The following PIEZO2 variants were observed in gnomAD, a reference collection of about 807,000 sequenced individuals.
PIEZO2 encodes piezo type mechanosensitive ion channel component 2.
In PIEZO2, 172 loss-of-function variants were observed where a neutral mutation model predicts 337.3. That is an observed-to-expected ratio of 0.51 (90% CI 0.45 to 0.58). The LOEUF (loss-of-function observed/expected upper bound fraction) is 0.58, where lower values mean the gene tolerates loss of function less well. PIEZO2 is among the 20% of genes least tolerant of loss of function. PIEZO2 has a pLI of 0.00. For missense variants in PIEZO2, 3,028 were observed against 3,391.3 expected (o/e 0.89, Z 2.66); for synonymous variants, 1,251 against 1,228.5 (o/e 1.02, Z -0.38).
intron 2 of PIEZO2, among the ~76,000 whole-genome samples, chr18:10,984,010 A>G (rs2034775192): frequency 6.6e-6 from 1 of 152,128 alleles, no homozygotes; most frequent in African/African-American, 2.4e-5. Context: ...ATCCATAGAA[A>G]AGTTCTGAGA....
intron 47 of PIEZO2, among the ~76,000 whole-genome samples, chr18:10,691,758 AAT>A (rs2034839251): frequency 1.3e-5 from 1 of 75,868 alleles, no homozygotes; most frequent in Non-Finnish European, 2.3e-5. Context: ...ATATATTAAA[AAT>A]ATATATAAAC....
At position 10,726,577 on chromosome 18, in the gene PIEZO2, C is replaced by T; in HGVS notation, c.5029+4830G>A. 1.4e-6 allele frequency: 2 copies of T among 1,404,478 alleles called. No homozygotes were observed. The highest frequency in any genetic ancestry group is 1.9e-6 in the Non-Finnish European group (2 of 1,056,932). The allele number at this position is 1,404,478 out of a possible 1,614,324, so 87.0% of individuals were successfully genotyped here. On this transcript the variant is annotated intron_variant, in intron 36 of 55. Coordinates refer to ENST00000674853, the MANE Select transcript of PIEZO2 (RefSeq NM_001378183.1). This position sits in a 1 kb window ranked among gnomAD's most constrained non-coding sequence, Gnocchi z 5.9. ...CCACGCTGTGCGTCTGTCCTTCCGCCAGCTCTTCCAGGACCTGGCGCGCTA... is the reference window on the plus strand; with the variant it reads ...CCACGCTGTGCGTCTGTCCTTCCGCTAGCTCTTCCAGGACCTGGCGCGCTA...
chr18:10,755,920 G>C (rs956830733), intron 27 of PIEZO2, among the ~76,000 whole-genome samples: 1 of 151,666 alleles, frequency 6.6e-6, no homozygotes, highest in Non-Finnish European at 1.5e-5. Flanking sequence ...GTGAGGAGGA[G>C]GGATGGGGGA....
At chr18:11,133,666 C>T (rs191166030) in intron 1 of PIEZO2, among the ~76,000 whole-genome samples, 13 of 152,132 alleles carry the variant, frequency 8.5e-5, no homozygotes. Context: ...TCCTTCCTGC[C>T]CTCAAATATC....
chr18:11,097,458 G>T lies in PIEZO2; in HGVS notation c.65-31236C>A, dbSNP rs1387468279. ...AGTTTGCTGGTCACAGATGTAGAAG[G>T]ATTGAGTCCAGAGTTTACTACAGAG... On this transcript the variant is annotated intron_variant, in intron 1 of 55. Transcript: ENST00000674853. The surrounding 1 kb of genome is among the most constrained non-coding windows in gnomAD (Gnocchi z 5.0). 6.6e-6 allele frequency among the ~76,000 whole-genome samples: 1 copy of T among 152,212 alleles called. No individual in the cohort carries two copies. The highest frequency in any genetic ancestry group is 1.5e-5 in the Non-Finnish European group (1 of 68,038).
chr18:10,871,556 T>C, intron 4 of PIEZO2, 141 bp from the exon 5 acceptor site: 2 of 779,112 alleles, frequency 2.6e-6, no homozygotes, highest in Non-Finnish European at 3.9e-6. Flanking sequence ...ACAAGAAAGC[T>C]TTTTATTGAC....
chr18:10,742,061 A>T (rs7226970), intron 32 of PIEZO2, among the ~76,000 whole-genome samples: 93,226 of 151,836 alleles, frequency 0.61, 30,066 homozygotes, highest in African/African-American at 0.82. Flanking sequence ...AGGCTGAGGC[A>T]GGAGAATGGC....
intron 4 of PIEZO2, among the ~76,000 whole-genome samples, chr18:10,910,348 C>T (rs745432930): frequency 6.6e-6 from 1 of 152,166 alleles, no homozygotes; most frequent in Non-Finnish European, 1.5e-5. Context: ...TCTGGGAGGC[C>T]GAGCTGGGCG....
intron 36 of PIEZO2, 28 bp downstream of exon 36, chr18:10,731,379 C>T (rs2144069838): frequency 2.0e-6 from 3 of 1,488,996 alleles, no homozygotes; most frequent in Admixed American, 2.0e-5. Context: ...CTGCCACACC[C>T]ACCACAGCCA....
At chr18:11,025,763 C>G (rs1006324633) in intron 2 of PIEZO2, among the ~76,000 whole-genome samples, 6 of 152,162 alleles carry the variant, frequency 3.9e-5, no homozygotes, top group African/African-American at 1.2e-4. Context: ...GACAATTGTT[C>G]AGAAAATGAG....
At chr18:10,807,611 C>T (rs2040041988) in intron 7 of PIEZO2, among the ~76,000 whole-genome samples, 1 of 152,152 alleles carries the variant, frequency 6.6e-6, no homozygotes, top group African/African-American at 2.4e-5. Flanking sequence ...AATTATTAAT[C>T]AGCCCTATTA....
intron 1 of PIEZO2, among the ~76,000 whole-genome samples, chr18:11,114,693 CT>C (rs1346755026): frequency 1.3e-5 from 2 of 151,476 alleles, no homozygotes; most frequent in African/African-American, 2.4e-5. Flanking sequence ...AGTTGGGGTG[CT>C]TTTCCCCCCA....
intron 13 of PIEZO2, among the ~76,000 whole-genome samples, chr18:10,793,246 A>G (rs1320065276): frequency 6.6e-6 from 1 of 150,540 alleles, no homozygotes; most frequent in Non-Finnish European, 1.5e-5. Flanking sequence ...GATACAGAGC[A>G]AAACTCCGTC....
chr18:10,724,518 A>G lies in PIEZO2; in HGVS notation c.5030-6259T>C, dbSNP rs1303774052. The G allele has an allele frequency of 4.3e-6, 2 of 465,284 alleles. No homozygotes were observed. The highest frequency in any genetic ancestry group is 4.0e-5 in the African/African-American group (2 of 50,128). The allele number at this position is 465,284 out of a possible 1,614,324, so 28.8% of individuals were successfully genotyped here. A position where few individuals can be genotyped will look rare whatever the true frequency, so the allele number is the denominator to read the frequency against. ...TACAGGGCCTGCTGGTCCTCTGGTC[A>G]CACCCACTCATGCTGGTCTCCACAT... On this transcript the variant is annotated intron_variant, in intron 36 of 55. Transcript: ENST00000674853. This position sits in a 1 kb window ranked among gnomAD's most constrained non-coding sequence, Gnocchi z 5.8.
intron 1 of PIEZO2, among the ~76,000 whole-genome samples, chr18:11,142,648 G>GTGCA (rs2040684863): frequency 6.6e-6 from 1 of 152,040 alleles, no homozygotes; most frequent in South Asian, 2.1e-4. Flanking sequence ...GACTGGGGTG[G>GTGCA]TGCACGCCTG....
chr18:10,746,319 T>TA lies in PIEZO2; in HGVS notation c.4425-2089dup, dbSNP rs1169714615. 4.6e-5 allele frequency among the ~76,000 whole-genome samples: 7 copies of TA among 152,202 alleles called. No individual in the cohort carries two copies. Among genetic ancestry groups the TA allele is most frequent in the Non-Finnish European group, 8.8e-5 (6 of 68,026 alleles). On this transcript the variant is annotated intron_variant, in intron 30 of 55. Coordinates refer to ENST00000674853, the MANE Select transcript of PIEZO2 (RefSeq NM_001378183.1). This position sits in a 1 kb window ranked among gnomAD's most constrained non-coding sequence, Gnocchi z 4.2. ...ACCTGGCCTCTCCTGGCCTGGAGCT[T>TA]ATCACTCACCACTCACTGTCCTCAT...
At position 10,815,673 on chromosome 18, in the gene PIEZO2, T is replaced by C. The variant is rs56232150; in HGVS notation, c.918-8399A>G. Among the ~76,000 whole-genome samples, 3,298 of 152,304 alleles carry C rather than the reference T, an allele frequency of 0.022. 117 individuals carry two copies. Among genetic ancestry groups the C allele is most frequent in the African/African-American group, 0.075 (3,120 of 41,550 alleles). On this transcript the variant is annotated intron_variant, in intron 7 of 55. Transcript: ENST00000674853. This position sits in a 1 kb window ranked among gnomAD's most constrained non-coding sequence, Gnocchi z 4.1. ...TACATCTTTTGTTTCCACAGCAACG[T>C]ACCTAGATAATATTTGGGAGTGCTC...
chr18:10,767,376 C>A lies in PIEZO2; in HGVS notation c.2946+2772G>T, dbSNP rs2038407671. On this transcript the variant is annotated intron_variant, in intron 21 of 55. Coordinates refer to ENST00000674853, the MANE Select transcript of PIEZO2 (RefSeq NM_001378183.1). The surrounding 1 kb of genome is among the most constrained non-coding windows in gnomAD (Gnocchi z 4.2). ...TGAACCCAAAAGTTGTGAAAACAAG[C>A]ACCCTTACTGAGGCCTTGGGTAAGG... Among the ~76,000 whole-genome samples, 2 of 152,058 alleles carry A rather than the reference C, an allele frequency of 1.3e-5. No homozygotes were observed. Among genetic ancestry groups the A allele is most frequent in the African/African-American group, 4.8e-5 (2 of 41,400 alleles).
rs1356687499 is a variant in PIEZO2, at chr18:10,834,265, G to A, written c.917+21088C>T. 1.3e-5 allele frequency among the ~76,000 whole-genome samples: 2 copies of A among 152,098 alleles called. No individual in the cohort carries two copies. Among genetic ancestry groups the A allele is most frequent in the Non-Finnish European group, 2.9e-5 (2 of 68,022 alleles). On this transcript the variant is annotated intron_variant, in intron 7 of 55. Transcript: ENST00000674853. This position sits in a 1 kb window ranked among gnomAD's most constrained non-coding sequence, Gnocchi z 4.5. ...GAGTCAGATTTGAATTCAAACTCTG[G>A]CTTTGCCATCTCTATCCTGTGACTT...
Sources: allele counts gnomAD v4.1 joint callset (sites outside exome capture counted in the v4.1 genomes callset), GRCh38; gene constraint gnomAD v4.1.1; non-coding constraint Gnocchi (gnomAD v3.1); transcripts MANE v1.5; gene names NCBI Gene and HGNC (gene_info 2026-07-23, HGNC 2026-07-21).